Variants in TRHDE observed in about 807,000 individuals in gnomAD.
TRHDE encodes thyrotropin-releasing hormone-degrading ectoenzyme.
Under a neutral mutation model 125.7 loss-of-function variants are expected in TRHDE, and 72 were observed. That is an observed-to-expected ratio of 0.57 (90% CI 0.47 to 0.70). TRHDE has a LOEUF of 0.70. TRHDE is among the 30% of genes least tolerant of loss of function. TRHDE has a pLI of 0.00. For missense variants in TRHDE, 1,110 were observed against 1,327.1 expected (o/e 0.84, Z 2.54); for synonymous variants, 509 against 509.1 (o/e 1.00, Z 0.00).
chr12:72,641,039 T>A (rs1874037487), intron 15 of TRHDE, among the ~76,000 whole-genome samples: 1 of 152,186 alleles, frequency 6.6e-6, no homozygotes, highest in Non-Finnish European at 1.5e-5. Flanking sequence ...ACTTTAGGAC[T>A]CATGTGTTTA....
chr12:72,592,803 C>T (rs548430713), intron 12 of TRHDE, among the ~76,000 whole-genome samples: 4 of 151,918 alleles, frequency 2.6e-5, no homozygotes, highest in East Asian at 3.9e-4. Flanking sequence ...CTCCACCTCC[C>T]GGGTTCAAGT....
In TRHDE at chr12:72,513,551, A is replaced by G. The variant is rs533373250; in HGVS notation, c.1722+13916A>G. Among the ~76,000 whole-genome samples, 16 of 152,232 alleles carry G rather than the reference A, an allele frequency of 1.1e-4. No individual in the cohort carries two copies. In the East Asian group the frequency reaches 2.9e-3, roughly 28 times the overall value. The stretch of plus-strand genomic sequence containing the variant: ...TTTATTGTCATTCATGCTGTTGCAT[A>G]TTTCCTAGGAGAACCAAAATCAAGT... On this transcript the variant is annotated intron_variant, in intron 6 of 18. Coordinates refer to ENST00000261180, the MANE Select transcript of TRHDE (RefSeq NM_013381.3).
chr12:72,659,990 G>A (rs1305228039), intron 18 of TRHDE, among the ~76,000 whole-genome samples: 1 of 151,978 alleles, frequency 6.6e-6, no homozygotes, highest in Non-Finnish European at 1.5e-5. Flanking sequence ...ACCGGTGGTG[G>A]CCCCAAATGG....
intron 15 of TRHDE, among the ~76,000 whole-genome samples, chr12:72,627,417 C>T (rs1873305544): frequency 6.6e-6 from 1 of 151,734 alleles, no homozygotes; most frequent in South Asian, 2.1e-4. Flanking sequence ...TGAATTTTTG[C>T]CTGCAGAGTC....
chr12:72,237,769 T>C (rs966279942), intron 2 of TRHDE, among the ~76,000 whole-genome samples: 2 of 152,148 alleles, frequency 1.3e-5, no homozygotes, highest in South Asian at 4.1e-4. Context: ...GTTTATAAAT[T>C]TCCCAGTCTC....
rs559394038 is a variant in TRHDE, at chr12:72,430,925, T to A, written c.1316-38833T>A. On this transcript the variant is annotated intron_variant, in intron 3 of 18. Transcript: ENST00000261180. Reference sequence around the variant, plus strand: ...ACTAATTTAGGTATTTAATAGGTTCTTTAATTTTCTCAATATTTTATAGTT... The same window carrying A: ...ACTAATTTAGGTATTTAATAGGTTCATTAATTTTCTCAATATTTTATAGTT... 2.6e-5 allele frequency among the ~76,000 whole-genome samples: 4 copies of A among 152,212 alleles called. No individual in the cohort carries two copies. In the East Asian group the frequency reaches 7.7e-4, roughly 29 times the overall value.
intron 6 of TRHDE, among the ~76,000 whole-genome samples, chr12:72,499,943 TTAA>T (rs1878078250): frequency 6.6e-6 from 1 of 152,170 alleles, no homozygotes; most frequent in African/African-American, 2.4e-5. Context: ...TTTATTATTA[TTAA>T]TAAGAGGGCT....
intron 3 of TRHDE, among the ~76,000 whole-genome samples, chr12:72,438,903 C>T (rs78185364): frequency 1.3e-5 from 2 of 150,558 alleles, no homozygotes; most frequent in Non-Finnish European, 3.0e-5. Context: ...TAGTTTTGAA[C>T]CTTATGTGTA....
At chr12:72,473,298 T>C in intron 5 of TRHDE, 118 bp downstream of exon 5, 1 of 693,960 alleles carries the variant, frequency 1.4e-6, no homozygotes. Flanking sequence ...AATGTATCAA[T>C]AAAGTGTAAC....
intron 2 of TRHDE, among the ~76,000 whole-genome samples, chr12:72,214,000 A>C (rs1877836769): frequency 6.6e-6 from 1 of 152,178 alleles, no homozygotes; most frequent in South Asian, 2.1e-4. Flanking sequence ...ATCGTTGGTC[A>C]GTGCTACATA....
At chr12:72,348,975 A>G (rs1870457591) in intron 2 of TRHDE, among the ~76,000 whole-genome samples, 1 of 151,764 alleles carries the variant, frequency 6.6e-6, no homozygotes, top group African/African-American at 2.4e-5. Context: ...TTCATGGTTA[A>G]TGGATTTTGC....
chr12:72,144,235 G>A (rs908261623), intron 2 of TRHDE, among the ~76,000 whole-genome samples: 1 of 152,216 alleles, frequency 6.6e-6, no homozygotes, highest in African/African-American at 2.4e-5. Context: ...AGGACTCACA[G>A]TGGGTCAGTG....
chr12:72,596,110 A>G (rs148764269), intron 12 of TRHDE, among the ~76,000 whole-genome samples: 1 of 152,088 alleles, frequency 6.6e-6, no homozygotes, highest in East Asian at 1.9e-4. Flanking sequence ...TCTACGTAAT[A>G]TATTCTTTCC....
intron 3 of TRHDE, among the ~76,000 whole-genome samples, chr12:72,399,738 TG>T (rs1215427990): frequency 6.6e-6 from 1 of 152,178 alleles, no homozygotes; most frequent in African/African-American, 2.4e-5. Flanking sequence ...AAAATCTTGT[TG>T]TTTTTTTCGT....
intron 5 of TRHDE, among the ~76,000 whole-genome samples, chr12:72,493,507 C>T (rs1047780480): frequency 3.3e-5 from 5 of 151,858 alleles, no homozygotes; most frequent in Non-Finnish European, 4.4e-5. Flanking sequence ...CAATGTTGTC[C>T]TGTTTCTCTG....
At chr12:72,376,652 C>T (rs1307671456) in intron 2 of TRHDE, among the ~76,000 whole-genome samples, 1 of 152,138 alleles carries the variant, frequency 6.6e-6, no homozygotes, top group East Asian at 1.9e-4. Context: ...AATGTGTTTT[C>T]CTTGACTTCA....
intron 5 of TRHDE, among the ~76,000 whole-genome samples, chr12:72,492,009 G>A (rs1218510706): frequency 6.6e-6 from 1 of 151,898 alleles, no homozygotes; most frequent in Admixed American, 6.6e-5. Context: ...TTTCATTGTA[G>A]GCATTAGTGG....
intron 3 of TRHDE, among the ~76,000 whole-genome samples, chr12:72,430,591 G>A (rs900243222): frequency 1.3e-5 from 2 of 151,538 alleles, no homozygotes; most frequent in African/African-American, 4.8e-5. Context: ...TATGAGGATT[G>A]TTTTCTGAAC....
intron 2 of TRHDE, among the ~76,000 whole-genome samples, chr12:72,337,439 G>A (rs1346540300): frequency 1.3e-5 from 2 of 152,144 alleles, no homozygotes; most frequent in Non-Finnish European, 2.9e-5. Flanking sequence ...AAGAAACAAA[G>A]GGAGAAGTAA....
Sources: allele counts gnomAD v4.1 joint callset (sites outside exome capture counted in the v4.1 genomes callset), GRCh38; gene constraint gnomAD v4.1.1; transcripts MANE v1.5; gene names NCBI Gene and HGNC (gene_info 2026-07-23, HGNC 2026-07-21).